MAN2A1: variants seen among roughly 807,000 people sequenced by gnomAD.
MAN2A1 encodes the protein mannosidase alpha class 2A member 1.
A neutral mutation model predicts 142.6 loss-of-function variants in MAN2A1; 76 were observed. That is an observed-to-expected ratio of 0.53 (90% CI 0.44 to 0.65). The LOEUF (loss-of-function observed/expected upper bound fraction) is 0.65, where lower values mean the gene tolerates loss of function less well. Ranked by LOEUF, MAN2A1 falls within the 30% of genes least tolerant of loss-of-function variation. The pLI, the probability that MAN2A1 is intolerant of heterozygous loss-of-function variation, is 0.00. For missense variants in MAN2A1, 1,311 were observed against 1,365.1 expected (o/e 0.96, Z 0.62); for synonymous variants, 559 against 473.2 (o/e 1.18, Z -2.35).
At position 109,789,536 on chromosome 5, in the gene MAN2A1, A is replaced by G. The variant is rs767256992; in HGVS notation, c.1943+9A>G. ...CTGAGTGCGGAGCCAAGGTAAATTC[A>G]TAATTTCTTACAAATGTTTACCACT... is the stretch of plus-strand genomic sequence containing the variant. On this transcript the variant is annotated intron_variant, in intron 12 of 21. Transcript: ENST00000261483. The G allele has an allele frequency of 6.5e-6, 10 of 1,546,812 alleles. No individual in the cohort carries two copies. The African/African-American group carries it at 8.3e-5, about 13-fold the overall frequency.
At position 109,775,572 on chromosome 5, in the gene MAN2A1, T is replaced by G. The variant is rs1753266666; in HGVS notation, c.1374+607T>G. 2.0e-5 allele frequency among the ~76,000 whole-genome samples: 3 copies of G among 152,032 alleles called. 1 individual carries two copies. In the South Asian group the frequency reaches 6.2e-4, roughly 32 times the overall value. On this transcript the variant is annotated intron_variant, in intron 8 of 21. Coordinates refer to ENST00000261483, the MANE Select transcript of MAN2A1 (RefSeq NM_002372.4). ...CTTCTCCCCATATCCATGGCTCAGCTGCAGCATTCTTCAACTCAAGACCAC... is the reference window on the plus strand; with the variant it reads ...CTTCTCCCCATATCCATGGCTCAGCGGCAGCATTCTTCAACTCAAGACCAC...
rs74422388 is a variant in MAN2A1 at position 109,746,895 on chromosome 5, C to G, written c.708-8434C>G. 5.4e-4 allele frequency among the ~76,000 whole-genome samples: 82 copies of G among 152,290 alleles called. No homozygotes were observed. The East Asian group carries it at 0.014, about 25-fold the overall frequency. On this transcript the variant is annotated intron_variant, in intron 4 of 21. Coordinates refer to ENST00000261483, the MANE Select transcript of MAN2A1 (RefSeq NM_002372.4). ...CCTTTTCTGTCTGCCTTACTTCATT[C>G]AGCATAGTATCTTCAAGGCTCATTC...
intron 15 of MAN2A1, among the ~76,000 whole-genome samples, chr5:109,821,484 T>C (rs1012113619): frequency 5.3e-5 from 8 of 152,178 alleles, no homozygotes; most frequent in African/African-American, 1.9e-4. Flanking sequence ...TTAAGGACTT[T>C]TGCTGTGTAC....
intron 20 of MAN2A1, chr5:109,864,668 C>G (rs565888574): frequency 5.9e-6 from 1 of 170,734 alleles, no homozygotes; most frequent in Non-Finnish European, 1.3e-5. Flanking sequence ...GCAGTTTATT[C>G]AACTGATGTG....
At chr5:109,750,747 TA>T (rs1479312170) in intron 4 of MAN2A1, among the ~76,000 whole-genome samples, 3 of 152,110 alleles carry the variant, frequency 2.0e-5, no homozygotes, top group African/African-American at 7.2e-5. Flanking sequence ...GGCATTTTCT[TA>T]TGAGCTGGTT....
chr5:109,833,051 G>A (rs1242583349), intron 16 of MAN2A1, among the ~76,000 whole-genome samples: 3 of 150,394 alleles, frequency 2.0e-5, no homozygotes, highest in South Asian at 2.1e-4. Context: ...GGGCAGAGGC[G>A]CTCCCCACAT....
intron 20 of MAN2A1, 77 bp from the exon 21 acceptor site, chr5:109,864,959 G>T: frequency 2.0e-6 from 2 of 981,166 alleles, no homozygotes; most frequent in South Asian, 2.6e-5. Context: ...TGCTGACATC[G>T]AGAGAGTGGT....
At chr5:109,838,717 C>T (rs1755121167) in intron 16 of MAN2A1, among the ~76,000 whole-genome samples, 1 of 152,138 alleles carries the variant, frequency 6.6e-6, no homozygotes, top group Admixed American at 6.5e-5. Flanking sequence ...TCATAATAAG[C>T]ATATTAAGTT....
intron 3 of MAN2A1, 30 bp from the exon 4 acceptor site, chr5:109,729,312 C>T (rs574554244): frequency 1.3e-6 from 2 of 1,496,546 alleles, no homozygotes; most frequent in Non-Finnish European, 1.8e-6. Context: ...ACGAATTAGA[C>T]CTTTGTGGTA....
At chr5:109,811,592 G>T (rs1317900246) in intron 12 of MAN2A1, among the ~76,000 whole-genome samples, 4 of 151,604 alleles carry the variant, frequency 2.6e-5, no homozygotes, top group Non-Finnish European at 4.4e-5. Context: ...GTGTGTGTGT[G>T]TGTGTGTGTG....
intron 16 of MAN2A1, among the ~76,000 whole-genome samples, chr5:109,837,590 A>G (rs1205830629): frequency 6.6e-6 from 1 of 152,166 alleles, no homozygotes; most frequent in Non-Finnish European, 1.5e-5. Flanking sequence ...GAAAGGAGTC[A>G]TTATATGTAA....
At chr5:109,823,099 T>C (rs1754670786) in intron 15 of MAN2A1, among the ~76,000 whole-genome samples, 1 of 152,370 alleles carries the variant, frequency 6.6e-6, no homozygotes, top group East Asian at 1.9e-4. Context: ...TTTGCTTCCA[T>C]GTCACATAAG....
intron 4 of MAN2A1, among the ~76,000 whole-genome samples, chr5:109,743,254 T>C (rs1168598631): frequency 2.0e-5 from 3 of 152,196 alleles, no homozygotes; most frequent in Non-Finnish European, 4.4e-5. Context: ...CTTAGTTTTC[T>C]TCATTTTGCA....
intron 12 of MAN2A1, among the ~76,000 whole-genome samples, chr5:109,791,346 A>G (rs945126682): frequency 2.6e-5 from 4 of 151,994 alleles, no homozygotes; most frequent in Admixed American, 6.6e-5. Context: ...GCTGCAAATT[A>G]TTTTAGTTAC....
At chr5:109,839,648 TC>T (rs67843552) in intron 16 of MAN2A1, among the ~76,000 whole-genome samples, 22,524 of 129,874 alleles carry the variant, frequency 0.17, 2,574 homozygotes, top group East Asian at 0.61. Context: ...CCTGTCTCTC[TC>T]TTTTTTTTTT....
chr5:109,693,245 T>G (rs1239291165), intron 1 of MAN2A1, among the ~76,000 whole-genome samples: 1 of 152,176 alleles, frequency 6.6e-6, no homozygotes, highest in Non-Finnish European at 1.5e-5. Flanking sequence ...AAAACCATTG[T>G]GTAGTCCAGC....
At chr5:109,713,846 C>T (rs934966644) in intron 2 of MAN2A1, 72 bp downstream of exon 2, 3 of 1,408,004 alleles carry the variant, frequency 2.1e-6, no homozygotes, top group African/African-American at 2.9e-5. Context: ...GACCTGATGT[C>T]TGTTCTGACT....
At chr5:109,859,034 A>C (rs1755692653) in intron 20 of MAN2A1, among the ~76,000 whole-genome samples, 1 of 152,210 alleles carries the variant, frequency 6.6e-6, no homozygotes, top group Non-Finnish European at 1.5e-5. Context: ...CTGATTCTAT[A>C]GGGCTGGGGA....
chr5:109,858,162 G>T (rs556144425), intron 20 of MAN2A1, among the ~76,000 whole-genome samples: 36 of 152,180 alleles, frequency 2.4e-4, no homozygotes, highest in Non-Finnish European at 4.7e-4. Flanking sequence ...TAACTACCAT[G>T]CTGGCTCATA....
Sources: allele counts gnomAD v4.1 joint callset (sites outside exome capture counted in the v4.1 genomes callset), GRCh38; gene constraint gnomAD v4.1.1; transcripts MANE v1.5; gene names NCBI Gene and HGNC (gene_info 2026-07-23, HGNC 2026-07-21).